The following TNKS2 variants were observed in gnomAD, a reference collection of about 807,000 sequenced individuals.
TNKS2 encodes the protein tankyrase 2.
In TNKS2, 72 loss-of-function variants were observed where a neutral mutation model predicts 137.6. That is an observed-to-expected ratio of 0.52 (90% CI 0.43 to 0.64). The LOEUF is 0.64. Ranked by LOEUF, TNKS2 falls within the 30% of genes least tolerant of loss-of-function variation. TNKS2 has a pLI of 0.00. For synonymous variants in TNKS2, 516 were observed against 512.1 expected (o/e 1.01, Z -0.10); for missense variants, 1,049 against 1,410.2 (o/e 0.74, Z 4.10).
intron 25 of TNKS2, among the ~76,000 whole-genome samples, chr10:91,860,816 G>C (rs542954103): frequency 6.6e-6 from 1 of 152,092 alleles, no homozygotes; most frequent in South Asian, 2.1e-4. Flanking sequence ...TATGTATGAC[G>C]TCCCACTCAC....
Position 91,849,609 on chromosome 10 carries a change from C to G in TNKS2, c.2694+15C>G, listed in dbSNP as rs1328331627. Reference sequence around the variant, plus strand: ...AGAGAGAACAGGTGAGTAGATAAATCATATTGTTTGGATTAGTGTTTTATG... The same window carrying G: ...AGAGAGAACAGGTGAGTAGATAAATGATATTGTTTGGATTAGTGTTTTATG... On this transcript the variant is annotated intron_variant, in intron 20 of 26. Coordinates refer to ENST00000371627, the MANE Select transcript of TNKS2 (RefSeq NM_025235.4). 1 of 1,574,392 alleles carries G rather than the reference C, an allele frequency of 6.4e-7. No homozygotes were observed. The highest frequency in any genetic ancestry group is 8.6e-7 in the Non-Finnish European group (1 of 1,161,432).
intron 1 of TNKS2, chr10:91,807,526 G>T (rs547138513): frequency 8.1e-7 from 1 of 1,240,364 alleles, no homozygotes; most frequent in Non-Finnish European, 1.2e-6. Flanking sequence ...GCCAACCGAC[G>T]CGAGTCCTGC....
intron 6 of TNKS2, among the ~76,000 whole-genome samples, chr10:91,820,795 TAATG>T (rs1425336349): frequency 6.6e-6 from 1 of 152,142 alleles, no homozygotes. Flanking sequence ...GGATCCATAA[TAATG>T]GTGGCAGAAG....
chr10:91,798,949 A>C, intron 1 of TNKS2, 60 bp downstream of exon 1: 1 of 1,307,722 alleles, frequency 7.6e-7, no homozygotes, highest in Non-Finnish European at 9.8e-7. Context: ...GCCGGGGCCC[A>C]CAGGTCTGAA....
chr10:91,849,488 G>C (rs776140276), intron 19 of TNKS2, 24 bp from the exon 20 acceptor site: 3 of 1,582,218 alleles, frequency 1.9e-6, no homozygotes, highest in East Asian at 4.5e-5. Context: ...AATTCCATTT[G>C]TTTTGGATTT....
rs1045624125 is a variant in TNKS2 at position 91,809,571 on chromosome 10, C to T, written c.200-3412C>T. 6.6e-5 allele frequency among the ~76,000 whole-genome samples: 10 copies of T among 151,434 alleles called. No individual in the cohort carries two copies. The East Asian group carries it at 2.0e-3, about 30-fold the overall frequency. ...GTCCCAGCTACTCGGGAGGCTGAGG[C>T]AGGAGAATGGCGTGAACCTGGGAGG... is the stretch of plus-strand genomic sequence containing the variant. On this transcript the variant is annotated intron_variant, in intron 1 of 26. Coordinates refer to ENST00000371627, the MANE Select transcript of TNKS2 (RefSeq NM_025235.4).
At position 91,848,543 on chromosome 10, in the gene TNKS2, G is replaced by C; in HGVS notation, c.2519G>C (p.Ser840Thr). Residue 840 changes from serine to threonine, a missense_variant, in exon 19 of 27, where the codon AGT becomes ACT. Physicochemically the swap from Ser to Thr is moderately conservative, Grantham distance 58. Coordinates refer to ENST00000371627, the MANE Select transcript of TNKS2 (RefSeq NM_025235.4). ...SSPSSLSAAS[S>T]LDNLSGSFSE... ...CCATCAAGCCTTTCTGCAGCCAGCA[G>C]TCTTGACAACTTATCTGGGAGTTTT... The C allele has an allele frequency of 6.2e-7, 1 of 1,614,136 alleles. No homozygotes were observed. The highest frequency in any genetic ancestry group is 8.5e-7 in the Non-Finnish European group (1 of 1,180,036).
Position 91,829,849 on chromosome 10 carries a change from T to C in TNKS2, c.1105-1074T>C, listed in dbSNP as rs1589667417. 2.0e-5 allele frequency among the ~76,000 whole-genome samples: 3 copies of C among 152,346 alleles called. No individual in the cohort carries two copies. The East Asian group carries it at 5.8e-4, about 29-fold the overall frequency. On this transcript the variant is annotated intron_variant, in intron 9 of 26. Transcript: ENST00000371627. ...TTTTAGATGTATAGAGCAACTTAGC[T>C]GAAAAATTACCCAGAACTTTTATTC...
intron 12 of TNKS2, among the ~76,000 whole-genome samples, chr10:91,834,512 A>C (rs1055547387): frequency 6.6e-6 from 1 of 152,202 alleles, no homozygotes; most frequent in African/African-American, 2.4e-5. Flanking sequence ...TGGTCCCATA[A>C]ATTTTAAAGT....
chr10:91,828,413 T>G lies in TNKS2; in HGVS notation c.1104+7T>G. ...AACACATGAAACAGCATTGGTAATG[T>G]TTCAGATTTAAGTTTTTAAAATACA... On this transcript the variant is annotated splice_region_variant and intron_variant, in intron 9 of 26. Transcript: ENST00000371627. 1 of 1,555,534 alleles carries G rather than the reference T, an allele frequency of 6.4e-7. No individual in the cohort carries two copies. Among genetic ancestry groups the G allele is most frequent in the South Asian group, 1.2e-5 (1 of 81,254 alleles).
At chr10:91,816,093 C>T (rs992608379) in intron 2 of TNKS2, among the ~76,000 whole-genome samples, 16 of 151,846 alleles carry the variant, frequency 1.1e-4, no homozygotes, top group African/African-American at 2.7e-4. Context: ...GGACTACAGG[C>T]GCCCGCCACC....
intron 25 of TNKS2, among the ~76,000 whole-genome samples, chr10:91,861,097 G>GT (rs923681855): frequency 2.6e-5 from 4 of 152,274 alleles, no homozygotes; most frequent in Non-Finnish European, 1.5e-5. Context: ...CCTGAGAGGA[G>GT]TGAGAGGGTA....
intron 11 of TNKS2, among the ~76,000 whole-genome samples, chr10:91,833,425 TAAA>T (rs1357136124): frequency 3.3e-5 from 5 of 152,124 alleles, no homozygotes; most frequent in Non-Finnish European, 7.4e-5. Context: ...TTTTAGGTAA[TAAA>T]TAAGGGAGAA....
At chr10:91,825,833 CA>C (rs1299991753) in intron 7 of TNKS2, among the ~76,000 whole-genome samples, 1 of 152,256 alleles carries the variant, frequency 6.6e-6, no homozygotes, top group Non-Finnish European at 1.5e-5. Flanking sequence ...AACTGGAACT[CA>C]AACGTTGCCA....
chr10:91,848,642 CG>C lies in TNKS2; in HGVS notation c.2611+8del, dbSNP rs1292123218. Reference sequence around the variant, plus strand: ...AGTTTGGAGAAAAAGGAGGGTGAGACGTTCTACAAAAATAACTTTCTAACTG... The same window carrying C: ...AGTTTGGAGAAAAAGGAGGGTGAGACTTCTACAAAAATAACTTTCTAACTG... On this transcript the variant is annotated splice_region_variant and intron_variant, in intron 19 of 26. Transcript: ENST00000371627. 6.2e-7 allele frequency: 1 copy of C among 1,613,034 alleles called. No individual in the cohort carries two copies. The highest frequency in any genetic ancestry group is 1.3e-5 in the African/African-American group (1 of 74,950).
At position 91,842,375 on chromosome 10, in the gene TNKS2, A is replaced by G; in HGVS notation, c.2043A>G (p.Thr681=). ...NCRDTQGRHS[T]PLHLAAGYNN... is the part of the protein sequence containing the mutation. ...GCGATACCCAAGGCAGACATTCAAC[A>G]CCTTTACATTTAGCAGGTAAGTGAA... Residue 681 remains threonine (T), a synonymous_variant, in exon 16 of 27, where the codon ACA becomes ACG. Coordinates refer to ENST00000371627, the MANE Select transcript of TNKS2 (RefSeq NM_025235.4). 6.2e-7 allele frequency: 1 copy of G among 1,614,072 alleles called. No individual in the cohort carries two copies. Among genetic ancestry groups the G allele is most frequent in the Non-Finnish European group, 8.5e-7 (1 of 1,179,944 alleles).
At position 91,811,417 on chromosome 10, in the gene TNKS2, C is replaced by T. The variant is rs1359512416; in HGVS notation, c.200-1566C>T. Among the ~76,000 whole-genome samples the T allele has an allele frequency of 3.3e-5, 5 of 152,122 alleles. No homozygotes were observed. In the East Asian group the frequency reaches 9.7e-4, roughly 29 times the overall value. On this transcript the variant is annotated intron_variant, in intron 1 of 26. Coordinates refer to ENST00000371627, the MANE Select transcript of TNKS2 (RefSeq NM_025235.4). The stretch of plus-strand genomic sequence containing the variant: ...GCCTTAGGTAAGTCTTTTCCGTTCT[C>T]TGCTTTCCCCTAGTTTAGGAGTTCC...
intron 24 of TNKS2, 145 bp downstream of exon 24, chr10:91,857,675 A>G: frequency 4.7e-6 from 2 of 430,044 alleles, no homozygotes; most frequent in Non-Finnish European, 8.2e-6. Context: ...TCACATTTAT[A>G]TTTTCAACTT....
At chr10:91,822,727 AGC>A (rs760977884) in intron 7 of TNKS2, among the ~76,000 whole-genome samples, 4 of 151,568 alleles carry the variant, frequency 2.6e-5, no homozygotes, top group Non-Finnish European at 5.9e-5. Flanking sequence ...CATCACGCCC[AGC>A]TAAGTTTTGT....
Sources: gnomAD v4.1 joint callset for allele counts (sites outside exome capture counted in the v4.1 genomes callset) on GRCh38, gnomAD v4.1.1 for gene constraint, MANE v1.5 for transcripts, NCBI Gene and HGNC (gene_info 2026-07-23, HGNC 2026-07-21) for gene names.